The following PDE12 variants were observed in gnomAD, a reference collection of about 807,000 sequenced individuals.
The protein encoded by PDE12 is phosphodiesterase 12.
PDE12 carries 26 observed loss-of-function variants against 45.4 expected under a neutral mutation model. The observed-to-expected ratio is 0.57, with a 90% CI of 0.42 to 0.79. The LOEUF is 0.79. PDE12 is among the 30% of genes least tolerant of loss of function. The pLI is 0.00. For synonymous variants in PDE12, 283 were observed against 323.9 expected (o/e 0.87, Z 1.36); for missense variants, 668 against 790.0 (o/e 0.85, Z 1.85).
the PDE12 span, chr3:57,630,339 G>A: frequency 1.6e-6 from 2 of 1,251,730 alleles, no homozygotes; most frequent in East Asian, 2.5e-5. Flanking sequence ...AGTGGATAAA[G>A]GGTACAATCT....
At chr3:57,642,100 G>T in the PDE12 span, among the ~76,000 whole-genome samples, 1 of 151,994 alleles carries the variant, frequency 6.6e-6, no homozygotes, top group Non-Finnish European at 1.5e-5. Flanking sequence ...AGATCACGAG[G>T]TTAGGAGTTC....
At chr3:57,575,636 A>G in the PDE12 span, 1 of 1,613,602 alleles carries the variant, frequency 6.2e-7, no homozygotes. Context: ...GTTTGCAAAA[A>G]GTAGCAGCAC....
chr3:57,631,945 A>G, the PDE12 span, among the ~76,000 whole-genome samples: 2 of 141,658 alleles, frequency 1.4e-5, no homozygotes, highest in African/African-American at 5.3e-5. Context: ...GATGGTCTTG[A>G]TCTCCTGACC....
chr3:57,591,573 T>C, the PDE12 span, among the ~76,000 whole-genome samples: 4 of 151,970 alleles, frequency 2.6e-5, no homozygotes, highest in East Asian at 1.9e-4. Flanking sequence ...TTCAAGGGAT[T>C]CTCGTGCCTC....
Position 57,560,177 on chromosome 3 carries a change from C to A in PDE12, c.*173C>A, listed in dbSNP as rs1181296818. ...AACTGTTGATGTTTGCATCATACATCTTCTCTTTCCTTGTTTTCCTCTACA... is the reference window on the plus strand; with the variant it reads ...AACTGTTGATGTTTGCATCATACATATTCTCTTTCCTTGTTTTCCTCTACA... On this transcript the variant is annotated 3_prime_UTR_variant, in exon 3 of 3. Transcript: ENST00000311180. 5 of 1,328,158 alleles carry A rather than the reference C, an allele frequency of 3.8e-6. No individual in the cohort carries two copies. Among genetic ancestry groups the A allele is most frequent in the South Asian group, 4.7e-5 (2 of 42,630 alleles). 82.3% of individuals were successfully genotyped at this position (1,328,158 alleles called of 1,614,324 possible). A position where few individuals can be genotyped will look rare whatever the true frequency, so the allele number is the denominator to read the frequency against.
the PDE12 span, among the ~76,000 whole-genome samples, chr3:57,620,385 CAA>C: frequency 2.2e-5 from 3 of 134,976 alleles, no homozygotes; most frequent in Admixed American, 7.5e-5. Flanking sequence ...ATCCCCTCTC[CAA>C]AAAAAAAAAG....
At chr3:57,577,677 C>T in the PDE12 span, among the ~76,000 whole-genome samples, 13 of 152,246 alleles carry the variant, frequency 8.5e-5, no homozygotes, top group East Asian at 1.9e-4. Flanking sequence ...TGCACTCTCA[C>T]ATTTAAGTGC....
the PDE12 span, among the ~76,000 whole-genome samples, chr3:57,609,713 A>G: frequency 6.6e-6 from 1 of 152,182 alleles, no homozygotes; most frequent in African/African-American, 2.4e-5. Context: ...ATAGACCAAT[A>G]ACAGGCTCTG....
the PDE12 span, among the ~76,000 whole-genome samples, chr3:57,620,177 G>C: frequency 6.6e-6 from 1 of 151,628 alleles, no homozygotes; most frequent in African/African-American, 2.4e-5. Flanking sequence ...AGCTGAGATC[G>C]TGCCACTGCA....
At chr3:57,625,537 A>AAGGC in the PDE12 span, 1 of 152,608 alleles carries the variant, frequency 6.6e-6, no homozygotes, top group Non-Finnish European at 1.5e-5. Context: ...CTGTAAATAG[A>AAGGC]AGGCACTAGG....
At chr3:57,616,265 A>G in the PDE12 span, among the ~76,000 whole-genome samples, 1 of 152,160 alleles carries the variant, frequency 6.6e-6, no homozygotes, top group East Asian at 1.9e-4. Flanking sequence ...GAGAGGCTGC[A>G]GTGAGACATG....
the PDE12 span, chr3:57,654,706 C>T: frequency 4.4e-3 from 4,351 of 984,954 alleles, 13 homozygotes; most frequent in Non-Finnish European, 4.8e-3. Context: ...AAACCAAAGG[C>T]GTGGTCCATG....
the PDE12 span, among the ~76,000 whole-genome samples, chr3:57,614,532 T>TG: frequency 1.5e-4 from 19 of 123,864 alleles, no homozygotes; most frequent in Non-Finnish European, 2.2e-4. Flanking sequence ...CGTTTTTTTT[T>TG]TTTTGTTTTT....
the PDE12 span, chr3:57,630,968 A>G: frequency 2.3e-5 from 37 of 1,613,166 alleles, no homozygotes; most frequent in East Asian, 2.5e-4. Context: ...CAAGCTTGCC[A>G]CATATCTTTC....
At chr3:57,570,667 AT>A (rs1178992313), downstream of PDE12, among the ~76,000 whole-genome samples, 1 of 152,216 alleles carries the variant, frequency 6.6e-6, no homozygotes, top group African/African-American at 2.4e-5. Flanking sequence ...TTACTCAGTT[AT>A]CAAGTTGAGC....
At chr3:57,632,105 C>T in the PDE12 span, among the ~76,000 whole-genome samples, 6 of 149,886 alleles carry the variant, frequency 4.0e-5, no homozygotes, top group Non-Finnish European at 8.9e-5. Flanking sequence ...CTGCAACCTC[C>T]GCCTCCCGGG....
chr3:57,591,745 G>A, the PDE12 span, among the ~76,000 whole-genome samples: 27 of 152,234 alleles, frequency 1.8e-4, no homozygotes, highest in Non-Finnish European at 2.6e-4. Context: ...GATTACAGGC[G>A]TGAGCCACCG....
At chr3:57,604,296 AC>A in the PDE12 span, among the ~76,000 whole-genome samples, 1 of 152,178 alleles carries the variant, frequency 6.6e-6, no homozygotes, top group East Asian at 1.9e-4. Flanking sequence ...GAATTAATCT[AC>A]AAATTTTTTT....
intron 1 of PDE12, among the ~76,000 whole-genome samples, chr3:57,559,055 C>T (rs1354305897): frequency 1.3e-5 from 2 of 151,668 alleles, no homozygotes; most frequent in African/African-American, 2.4e-5. Context: ...CCCGTCTCTA[C>T]TACAAATACA....
Sources: allele counts gnomAD v4.1 joint callset (sites outside exome capture counted in the v4.1 genomes callset), GRCh38; gene constraint gnomAD v4.1.1; transcripts MANE v1.5; gene names NCBI Gene and HGNC (gene_info 2026-07-23, HGNC 2026-07-21).